The following ERC2 variants were observed in gnomAD, a reference collection of about 807,000 sequenced individuals.
ERC2 encodes ERC protein 2.
Under a neutral mutation model 114.8 loss-of-function variants are expected in ERC2, and 42 were observed. The ratio of observed to expected loss-of-function variants is 0.37; its 90% CI spans 0.29 to 0.47. The LOEUF (loss-of-function observed/expected upper bound fraction) is 0.47, where lower values mean the gene tolerates loss of function less well. Ranked by LOEUF, ERC2 falls within the 20% of genes least tolerant of loss-of-function variation. The pLI is 0.99. For missense variants in ERC2, 939 were observed against 1,150.7 expected, an observed-to-expected ratio of 0.82 and a Z score of 2.66; for synonymous variants, 454 against 425.5, an observed-to-expected ratio of 1.07 and a Z score of -0.82.
chr3:55,741,623 A>C (rs1311746856), intron 14 of ERC2, among the ~76,000 whole-genome samples: 1 of 152,178 alleles, frequency 6.6e-6, no homozygotes, highest in Non-Finnish European at 1.5e-5. Context: ...ATATATGCCC[A>C]TTCTTAGACA....
chr3:56,050,458 T>G (rs2075711815), intron 7 of ERC2, among the ~76,000 whole-genome samples: 1 of 152,098 alleles, frequency 6.6e-6, no homozygotes, highest in South Asian at 2.1e-4. Context: ...TGGGGTCAAG[T>G]GTGAAATGCG....
chr3:55,841,501 C>T (rs1016030623), intron 14 of ERC2, among the ~76,000 whole-genome samples: 2 of 152,122 alleles, frequency 1.3e-5, no homozygotes, highest in Admixed American at 6.5e-5. Flanking sequence ...ATTACCCAGT[C>T]TCGGGTATGT....
intron 7 of ERC2, among the ~76,000 whole-genome samples, chr3:56,030,626 G>A (rs1162490554): frequency 6.6e-6 from 1 of 152,042 alleles, no homozygotes; most frequent in Admixed American, 6.6e-5. Flanking sequence ...TATTAATATA[G>A]CCATTCTTGC....
At chr3:55,966,173 A>G (rs2068736884) in intron 12 of ERC2, among the ~76,000 whole-genome samples, 1 of 152,198 alleles carries the variant, frequency 6.6e-6, no homozygotes, top group Non-Finnish European at 1.5e-5. Context: ...TTGAGAGCCC[A>G]TGTACAGATT....
At chr3:56,424,687 A>G (rs549741153) in intron 2 of ERC2, among the ~76,000 whole-genome samples, 96 of 152,376 alleles carry the variant, frequency 6.3e-4, no homozygotes, top group Non-Finnish European at 1.2e-3. Flanking sequence ...CCATCTAAGT[A>G]GGTCATCATC....
At chr3:56,188,209 T>C (rs1393551188) in intron 3 of ERC2, among the ~76,000 whole-genome samples, 4 of 152,184 alleles carry the variant, frequency 2.6e-5, no homozygotes, top group Non-Finnish European at 5.9e-5. Flanking sequence ...AGTCTAAAAC[T>C]GGATTGAAGA....
At chr3:56,148,941 A>G (rs769910647) in intron 5 of ERC2, 36 bp downstream of exon 5, 8 of 1,600,086 alleles carry the variant, frequency 5.0e-6, no homozygotes, top group Non-Finnish European at 6.8e-6. Context: ...TTCTAGTCAC[A>G]TTAAGAACAT....
chr3:56,163,159 A>G (rs1036446949), intron 4 of ERC2, among the ~76,000 whole-genome samples: 4 of 152,052 alleles, frequency 2.6e-5, no homozygotes, highest in African/African-American at 7.2e-5. Context: ...TTTAATTTCC[A>G]TGTAATTATG....
intron 3 of ERC2, among the ~76,000 whole-genome samples, chr3:56,292,602 G>A (rs995309513): frequency 2.1e-5 from 3 of 139,838 alleles, no homozygotes; most frequent in African/African-American, 5.2e-5. Context: ...ACCGCCCCCC[G>A]CAAAAAAAAG....
At chr3:56,417,770 C>T (rs148176083) in intron 2 of ERC2, among the ~76,000 whole-genome samples, 1 of 152,292 alleles carries the variant, frequency 6.6e-6, no homozygotes, top group African/African-American at 2.4e-5. Flanking sequence ...GCTCCACTAA[C>T]ACCATGTTGC....
At chr3:56,425,022 T>G (rs932681087) in intron 2 of ERC2, among the ~76,000 whole-genome samples, 4 of 152,130 alleles carry the variant, frequency 2.6e-5, no homozygotes, top group African/African-American at 4.8e-5. Context: ...CTTAAAACAT[T>G]TGGAGAGCAG....
chr3:55,512,329 C>T (rs1482006276), intron 17 of ERC2, among the ~76,000 whole-genome samples: 1 of 152,086 alleles, frequency 6.6e-6, no homozygotes, highest in African/African-American at 2.4e-5. Flanking sequence ...AAACTTGAAT[C>T]GGGGCAAAAA....
intron 2 of ERC2, among the ~76,000 whole-genome samples, chr3:56,317,775 C>T (rs1278166341): frequency 6.6e-6 from 1 of 152,068 alleles, no homozygotes; most frequent in Non-Finnish European, 1.5e-5. Flanking sequence ...TAGCAAGAGA[C>T]AGTAAGTGCT....
intron 14 of ERC2, among the ~76,000 whole-genome samples, chr3:55,882,609 A>C (rs916975270): frequency 6.6e-6 from 1 of 152,252 alleles, no homozygotes; most frequent in Admixed American, 6.5e-5. Context: ...AAATGTAACA[A>C]CTATTTTCAT....
chr3:56,209,287 T>C (rs1350466710), intron 3 of ERC2, among the ~76,000 whole-genome samples: 4 of 152,184 alleles, frequency 2.6e-5, no homozygotes, highest in Non-Finnish European at 1.5e-5. Flanking sequence ...CTGTCTGGCC[T>C]GCTTCCTGAC....
intron 3 of ERC2, among the ~76,000 whole-genome samples, chr3:56,248,835 G>C (rs1214653143): frequency 6.6e-6 from 1 of 152,148 alleles, no homozygotes; most frequent in Non-Finnish European, 1.5e-5. Context: ...GTGTTCACAG[G>C]CACACACAAC....
Position 55,768,026 on chromosome 3 carries a change from G to C in ERC2, c.2565-33108C>G, listed in dbSNP as rs151138276. Among the ~76,000 whole-genome samples, 1,098 of 152,218 alleles carry C rather than the reference G, an allele frequency of 7.2e-3. 15 individuals are homozygous for C. Among genetic ancestry groups the C allele is most frequent in the African/African-American group, 0.025 (1,044 of 41,536 alleles). ...TCTCACAAGATCTGGTTGTTTAAAA[G>C]TGTGTAGCACCTCCTTCTCCACTCT... On this transcript the variant is annotated intron_variant, in intron 14 of 17. Coordinates refer to ENST00000288221, the MANE Select transcript of ERC2 (RefSeq NM_015576.3).
At chr3:55,698,314 T>C (rs1239273790) in intron 16 of ERC2, among the ~76,000 whole-genome samples, 1 of 152,002 alleles carries the variant, frequency 6.6e-6, no homozygotes, top group Admixed American at 6.6e-5. Context: ...TCTAATGCTG[T>C]GTTCTATATA....
chr3:56,237,891 C>CT (rs3054904), intron 3 of ERC2, among the ~76,000 whole-genome samples: 33,670 of 140,724 alleles, frequency 0.24, 4,261 homozygotes, highest in Non-Finnish European at 0.29. Flanking sequence ...CTATTTTTTC[C>CT]TTTTTTTTTT....
Sources: allele counts gnomAD v4.1 joint callset (sites outside exome capture counted in the v4.1 genomes callset), GRCh38; gene constraint gnomAD v4.1.1; transcripts MANE v1.5; gene names NCBI Gene and HGNC (gene_info 2026-07-23, HGNC 2026-07-21).